CERS1: variants seen among roughly 807,000 people sequenced by gnomAD.
CERS1 encodes the protein Embryonic growth/differentiation factor 1.
CERS1 carries 16 observed loss-of-function variants against 35.7 expected under a neutral mutation model. The observed-to-expected ratio is 0.45, with a 90% CI of 0.30 to 0.68. The LOEUF is 0.68. Among genes scored for constraint, CERS1 ranks in the 30% least tolerant of loss-of-function variants. CERS1 has a pLI of 0.08. For missense variants in CERS1, 454 were observed against 453.9 expected (o/e 1.00, Z 0.00); for synonymous variants, 243 against 201.6 (o/e 1.21, Z -1.74).
chr19:18,895,953 G>A lies in CERS1; in HGVS notation c.120C>T (p.Cys40=), dbSNP rs1460048256. 1 of 1,141,282 alleles carries A rather than the reference G, an allele frequency of 8.8e-7. No homozygotes were observed. 70.7% of individuals were successfully genotyped at this position (1,141,282 alleles called of 1,614,324 possible). Residue 40 remains cysteine, a synonymous_variant, in exon 1 of 8, where the codon TGC becomes TGT. Transcript: ENST00000623882. The surrounding 1 kb of genome is among the most constrained non-coding windows in gnomAD (Gnocchi z 6.4). ...GGCCGCGACGCGCCAGCCCCCAGCC[G>A]CAGTCCGTGCAGCCCCGCGCCGCCG... The part of the protein sequence containing the change: ...ALAAARGCTD[C]GWGLARRGLA...
At chr19:18,877,659 G>A (rs1037616677) in intron 6 of CERS1, among the ~76,000 whole-genome samples, 8 of 151,510 alleles carry the variant, frequency 5.3e-5, no homozygotes, top group Admixed American at 6.6e-5. Context: ...GGCTGAGGCA[G>A]GAGGATCACT....
chr19:18,879,406 A>C lies in CERS1; in HGVS notation c.753-18T>G. Reference sequence around the variant, plus strand: ...ACCAGAACCTGCGGTGGGAGGAGTCAGGAGGCCGTGGGTGGAGGGGGACGG... The same window carrying C: ...ACCAGAACCTGCGGTGGGAGGAGTCCGGAGGCCGTGGGTGGAGGGGGACGG... On this transcript the variant is annotated intron_variant, in intron 4 of 7. Transcript: ENST00000623882. 2 of 1,553,778 alleles carry C rather than the reference A, an allele frequency of 1.3e-6. No homozygotes were observed. Among genetic ancestry groups the C allele is most frequent in the Non-Finnish European group, 1.7e-6 (2 of 1,148,628 alleles).
At chr19:18,894,523 C>A (rs1476662161) in intron 1 of CERS1, among the ~76,000 whole-genome samples, 1 of 152,108 alleles carries the variant, frequency 6.6e-6, no homozygotes, top group Non-Finnish European at 1.5e-5. Context: ...TGGGGAGGGC[C>A]CCCGGGGCTC....
intron 2 of CERS1, 77 bp downstream of exon 2, chr19:18,893,339 T>G: frequency 6.8e-7 from 1 of 1,468,794 alleles, no homozygotes; most frequent in Non-Finnish European, 9.2e-7. Context: ...TTCTGCCTCA[T>G]GAGTAGCTGG....
intron 2 of CERS1, among the ~76,000 whole-genome samples, chr19:18,885,286 G>A (rs1431423834): frequency 2.7e-5 from 4 of 150,288 alleles, no homozygotes; most frequent in East Asian, 2.0e-4. Context: ...CTGCAGCCTC[G>A]ACCTCCTGGG....
At chr19:18,872,121 G>C (rs1201914296) in intron 6 of CERS1, among the ~76,000 whole-genome samples, 5 of 152,248 alleles carry the variant, frequency 3.3e-5, no homozygotes, top group Non-Finnish European at 7.3e-5. Context: ...AGTTCCCACA[G>C]AGAGTATAGA....
intron 3 of CERS1, among the ~76,000 whole-genome samples, chr19:18,882,430 C>T (rs2056234204): frequency 6.6e-6 from 1 of 151,398 alleles, no homozygotes; most frequent in Non-Finnish European, 1.5e-5. Context: ...GTCAGGAGTT[C>T]GAGTCCAGCC....
chr19:18,888,462 G>A (rs2056412496), intron 2 of CERS1, among the ~76,000 whole-genome samples: 1 of 145,262 alleles, frequency 6.9e-6, no homozygotes, highest in South Asian at 2.3e-4. Context: ...AGGTTCCAGT[G>A]AGCTGAGATC....
chr19:18,894,558 A>G (rs946747311), intron 1 of CERS1, among the ~76,000 whole-genome samples: 3 of 152,038 alleles, frequency 2.0e-5, no homozygotes, highest in East Asian at 3.9e-4. Context: ...ACCAGCCGCC[A>G]CATCCTCCTG....
At chr19:18,884,057 C>A in intron 3 of CERS1, 30 bp downstream of exon 3, 1 of 1,598,678 alleles carries the variant, frequency 6.3e-7, no homozygotes, top group South Asian at 1.1e-5. Flanking sequence ...GGCTGTGCCT[C>A]GGCCCCCTGC....
At chr19:18,872,806 G>A (rs1036834769) in intron 6 of CERS1, among the ~76,000 whole-genome samples, 5 of 150,398 alleles carry the variant, frequency 3.3e-5, no homozygotes, top group East Asian at 2.0e-4. Flanking sequence ...TGAGCGCCGC[G>A]CCTGGCTAAT....
At position 18,869,409 on chromosome 19, in the gene CERS1, G is replaced by A; in HGVS notation, c.*595-19C>T. On this transcript the variant is annotated intron_variant, in intron 7 of 7. Coordinates refer to ENST00000623882, the MANE Select transcript of CERS1 (RefSeq NM_021267.5). ...GGCGCACCTGGGGAGGTAGGAACAGGAACTCGGCTCGCGCTGCGTCCCCGG... is the reference window on the plus strand; with the variant it reads ...GGCGCACCTGGGGAGGTAGGAACAGAAACTCGGCTCGCGCTGCGTCCCCGG... 4 of 1,526,738 alleles carry A rather than the reference G, an allele frequency of 2.6e-6. No homozygotes were observed. The highest frequency in any genetic ancestry group is 1.4e-5 in the African/African-American group (1 of 72,380). The allele number at this position is 1,526,738 out of a possible 1,614,324, so 94.6% of individuals were successfully genotyped here. A position where few individuals can be genotyped will look rare whatever the true frequency, so the allele number is the denominator to read the frequency against.
Position 18,878,835 on chromosome 19 carries a change from C to A in CERS1, c.1010+95G>T. ...TGGGGGGCAGCATCCGCGTCGGCCT[C>A]ATCTGCTGCTGGGTCTTGGGGGCCT... is the stretch of plus-strand genomic sequence containing the variant. On this transcript the variant is annotated intron_variant, in intron 6 of 7. Coordinates refer to ENST00000623882, the MANE Select transcript of CERS1 (RefSeq NM_021267.5). The surrounding 1 kb of genome is among the most constrained non-coding windows in gnomAD (Gnocchi z 4.6). The A allele has an allele frequency of 6.5e-7, 1 of 1,537,738 alleles. No individual in the cohort carries two copies. Among genetic ancestry groups the A allele is most frequent in the Admixed American group, 2.0e-5 (1 of 50,840 alleles).
In CERS1 at chr19:18,893,457, G is replaced by A; in HGVS notation, c.368C>T (p.Thr123Ile). The change falls in exon 2 of 8, where the codon ACC (threonine) becomes ATC (isoleucine). Residue 123 changes from threonine (T) to isoleucine (I), a missense_variant. Thr to Ile is a moderately conservative substitution (Grantham distance 89). Coordinates refer to ENST00000623882, the MANE Select transcript of CERS1 (RefSeq NM_021267.5). ...WSYSAYLLFGTDYPFFHDPPS... is the reference protein window; with the variant it reads ...WSYSAYLLFGIDYPFFHDPPS... ...TGGGTCATGGAAGAAGGGGTAGTCG[G>A]TGCCAAACAGCAGGTAGGCACTGTA... 1.2e-6 allele frequency: 2 copies of A among 1,606,446 alleles called. No individual in the cohort carries two copies. Among genetic ancestry groups the A allele is most frequent in the Non-Finnish European group, 1.7e-6 (2 of 1,176,748 alleles).
In CERS1 at chr19:18,878,423, C is replaced by A; in HGVS notation, c.1010+507G>T. The A allele has an allele frequency of 1.0e-6, 1 of 991,004 alleles. No homozygotes were observed. 61.4% of individuals were successfully genotyped at this position (991,004 alleles called of 1,614,324 possible). ...CTGGACTGAGTCTGAGCTCCCAGCCCCAGCTCCTGTTTGGCCGGGCAGTGG... is the reference window on the plus strand; with the variant it reads ...CTGGACTGAGTCTGAGCTCCCAGCCACAGCTCCTGTTTGGCCGGGCAGTGG... On this transcript the variant is annotated intron_variant, in intron 6 of 7. Transcript: ENST00000623882. The surrounding 1 kb of genome is among the most constrained non-coding windows in gnomAD (Gnocchi z 4.6).
chr19:18,895,759 C>A lies in CERS1; in HGVS notation c.249+65G>T. ...GAAGAAAGGAACGCGCCGGCGGCCCCAGGTCCCCGGTCCCGGCTTCCCCCA... is the reference window on the plus strand; with the variant it reads ...GAAGAAAGGAACGCGCCGGCGGCCCAAGGTCCCCGGTCCCGGCTTCCCCCA... On this transcript the variant is annotated intron_variant, in intron 1 of 7. Coordinates refer to ENST00000623882, the MANE Select transcript of CERS1 (RefSeq NM_021267.5). This position sits in a 1 kb window ranked among gnomAD's most constrained non-coding sequence, Gnocchi z 6.4. The A allele has an allele frequency of 1.1e-6, 1 of 940,608 alleles. No homozygotes were observed. Among genetic ancestry groups the A allele is most frequent in the Non-Finnish European group, 1.3e-6 (1 of 742,252 alleles). 58.3% of individuals were successfully genotyped at this position (940,608 alleles called of 1,614,324 possible). A position where few individuals can be genotyped will look rare whatever the true frequency, so the allele number is the denominator to read the frequency against.
chr19:18,886,560 AAAAC>A (rs930862677), intron 2 of CERS1, among the ~76,000 whole-genome samples: 21 of 152,034 alleles, frequency 1.4e-4, no homozygotes, highest in African/African-American at 3.6e-4. Context: ...GTCTCAAAAC[AAAAC>A]AAACAAACAA....
intron 6 of CERS1, chr19:18,877,951 C>T (rs1481403733): frequency 1.0e-6 from 1 of 983,658 alleles, no homozygotes; most frequent in Non-Finnish European, 1.2e-6. Context: ...TTCATCTACA[C>T]CCAAGGCGAA....
intron 2 of CERS1, among the ~76,000 whole-genome samples, chr19:18,888,930 C>T (rs1389671677): frequency 7.3e-6 from 1 of 136,454 alleles, no homozygotes; most frequent in East Asian, 2.2e-4. Context: ...CTTGCTCTGT[C>T]GCCTAGGCTG....
Sources: allele counts gnomAD v4.1 joint callset (sites outside exome capture counted in the v4.1 genomes callset), GRCh38; gene constraint gnomAD v4.1.1; non-coding constraint Gnocchi (gnomAD v3.1); transcripts MANE v1.5; gene names NCBI Gene and HGNC (gene_info 2026-07-23, HGNC 2026-07-21).